Variants in CDK14 observed in about 807,000 individuals in gnomAD.
The protein encoded by CDK14 is cyclin-dependent kinase 14.
Under a neutral mutation model 60.7 loss-of-function variants are expected in CDK14, and 34 were observed. The ratio of observed to expected loss-of-function variants is 0.56; its 90% CI spans 0.43 to 0.75. CDK14 has a LOEUF of 0.75. Among genes scored for constraint, CDK14 ranks in the 30% least tolerant of loss-of-function variants. CDK14 has a pLI of 0.00. For missense variants in CDK14, 482 were observed against 564.1 expected, an observed-to-expected ratio of 0.85 and a Z score of 1.47; for synonymous variants, 197 against 203.7, an observed-to-expected ratio of 0.97 and a Z score of 0.28.
intron 2 of CDK14, among the ~76,000 whole-genome samples, chr7:90,714,309 A>G (rs1802166634): frequency 6.6e-6 from 1 of 152,066 alleles, no homozygotes; most frequent in Non-Finnish European, 1.5e-5. Flanking sequence ...GTTGACAGTG[A>G]AACGCTTCTG....
At chr7:90,659,658 T>G (rs530507979) in intron 2 of CDK14, among the ~76,000 whole-genome samples, 63 of 152,306 alleles carry the variant, frequency 4.1e-4, no homozygotes, top group Admixed American at 5.2e-4. Flanking sequence ...GTCCATTCTT[T>G]TGATATTCTC....
intron 5 of CDK14, among the ~76,000 whole-genome samples, chr7:90,802,142 G>T (rs565732682): frequency 1.2e-4 from 18 of 152,260 alleles, no homozygotes; most frequent in African/African-American, 4.1e-4. Context: ...TCGCTGTTTG[G>T]AATTGTTCAT....
chr7:90,624,076 A>G (rs1261969149), intron 2 of CDK14, among the ~76,000 whole-genome samples: 2 of 152,192 alleles, frequency 1.3e-5, no homozygotes, highest in African/African-American at 4.8e-5. Context: ...CAGCCCTGTG[A>G]AGGAGTGGAC....
intron 14 of CDK14, among the ~76,000 whole-genome samples, chr7:91,162,362 G>T (rs1052145971): frequency 3.3e-5 from 5 of 152,198 alleles, no homozygotes; most frequent in African/African-American, 4.8e-5. Context: ...GGCACAGGTG[G>T]AAAGAATGTT....
chr7:90,656,253 C>G (rs1469506410), intron 2 of CDK14, among the ~76,000 whole-genome samples: 1 of 152,126 alleles, frequency 6.6e-6, no homozygotes, highest in Non-Finnish European at 1.5e-5. Flanking sequence ...ACTTATTATT[C>G]AACATTTCAT....
chr7:90,924,135 G>A (rs1002210439), intron 8 of CDK14, among the ~76,000 whole-genome samples: 2 of 152,230 alleles, frequency 1.3e-5, no homozygotes, highest in Admixed American at 6.5e-5. Flanking sequence ...CTAAGTCCAA[G>A]GTTGAGGGGC....
At chr7:90,825,703 G>A (rs2188236) in intron 5 of CDK14, among the ~76,000 whole-genome samples, 67,527 of 151,948 alleles carry the variant, frequency 0.44, 15,854 homozygotes, top group East Asian at 0.85. Flanking sequence ...TCAGGGTAGT[G>A]TGAAGCTCAA....
intron 10 of CDK14, among the ~76,000 whole-genome samples, chr7:91,002,612 C>T (rs1162564926): frequency 6.6e-6 from 1 of 152,048 alleles, no homozygotes; most frequent in Admixed American, 6.6e-5. Flanking sequence ...GTGTTAGAAC[C>T]TAGGATGTAA....
intron 9 of CDK14, among the ~76,000 whole-genome samples, chr7:90,957,851 A>C (rs1025512223): frequency 6.6e-6 from 1 of 152,024 alleles, no homozygotes; most frequent in African/African-American, 2.4e-5. Context: ...GGAAAAAACT[A>C]CTTTAAAGTT....
chr7:90,881,365 T>C (rs1008604622), intron 6 of CDK14, among the ~76,000 whole-genome samples: 2 of 152,086 alleles, frequency 1.3e-5, no homozygotes, highest in Non-Finnish European at 2.9e-5. Context: ...AAGACCACTT[T>C]ACTGAAATAA....
intron 4 of CDK14, among the ~76,000 whole-genome samples, chr7:90,750,489 A>G (rs959825581): frequency 2.6e-5 from 4 of 152,214 alleles, no homozygotes; most frequent in Non-Finnish European, 4.4e-5. Flanking sequence ...GAAACTTCTA[A>G]ATCAATCCAG....
At chr7:90,741,784 A>G (rs1481246980) in intron 3 of CDK14, among the ~76,000 whole-genome samples, 1 of 152,114 alleles carries the variant, frequency 6.6e-6, no homozygotes, top group Non-Finnish European at 1.5e-5. Context: ...ATATTTCACC[A>G]TTTAATATGA....
chr7:90,975,875 CT>C (rs1413474908), intron 9 of CDK14, among the ~76,000 whole-genome samples: 6 of 152,066 alleles, frequency 3.9e-5, no homozygotes, highest in African/African-American at 7.2e-5. Flanking sequence ...AGATTTCATT[CT>C]TTTTTTATGG....
intron 5 of CDK14, among the ~76,000 whole-genome samples, chr7:90,839,795 G>C (rs922663895): frequency 2.6e-5 from 4 of 152,150 alleles, no homozygotes; most frequent in African/African-American, 7.2e-5. Context: ...CAGAATCAAA[G>C]TGGAATGTGT....
At chr7:90,992,724 T>G (rs802410) in intron 10 of CDK14, among the ~76,000 whole-genome samples, 113,640 of 152,048 alleles carry the variant, frequency 0.75, 42,564 homozygotes, top group East Asian at 0.78. Context: ...ATAATAGTAT[T>G]AAATGAGAAT....
chr7:90,799,676 G>A (rs1481072833), intron 5 of CDK14, among the ~76,000 whole-genome samples: 2 of 101,872 alleles, frequency 2.0e-5, no homozygotes, highest in Admixed American at 1.6e-4. Flanking sequence ...GGTGACAAGA[G>A]TGAAACTCCA....
At chr7:91,204,997 G>A (rs1489233792) in intron 14 of CDK14, among the ~76,000 whole-genome samples, 1 of 151,542 alleles carries the variant, frequency 6.6e-6, no homozygotes, top group Non-Finnish European at 1.5e-5. Flanking sequence ...AAATGCAAGT[G>A]CAAATCAGTT....
At chr7:91,088,650 A>G (rs1301894107) in intron 12 of CDK14, among the ~76,000 whole-genome samples, 2 of 151,810 alleles carry the variant, frequency 1.3e-5, no homozygotes, top group Non-Finnish European at 2.9e-5. Flanking sequence ...AAAGGGATCA[A>G]TATTCTGGCC....
intron 8 of CDK14, among the ~76,000 whole-genome samples, chr7:90,953,381 G>T (rs1342766012): frequency 6.6e-6 from 1 of 152,122 alleles, no homozygotes; most frequent in Admixed American, 6.6e-5. Context: ...AAGTTATGTG[G>T]CTCATCTGAA....
Sources: gnomAD v4.1 joint callset for allele counts (sites outside exome capture counted in the v4.1 genomes callset) on GRCh38, gnomAD v4.1.1 for gene constraint, MANE v1.5 for transcripts, NCBI Gene and HGNC (gene_info 2026-07-23, HGNC 2026-07-21) for gene names.